Variants in FGF12 observed in about 807,000 individuals in gnomAD.
The protein encoded by FGF12 is fibroblast growth factor 12B.
Under a neutral mutation model 23.6 loss-of-function variants are expected in FGF12, and 14 were observed. The observed-to-expected ratio is 0.59, with a 90% CI of 0.39 to 0.93. The LOEUF (loss-of-function observed/expected upper bound fraction) is 0.93. Among genes scored for constraint, FGF12 ranks in the 40% least tolerant of loss-of-function variants. FGF12 has a pLI of 0.00. For missense variants in FGF12, 175 were observed against 217.8 expected, an observed-to-expected ratio of 0.80 and a Z score of 1.24; for synonymous variants, 62 against 77.3, an observed-to-expected ratio of 0.80 and a Z score of 1.04.
intron 2 of FGF12, among the ~76,000 whole-genome samples, chr3:192,601,505 T>G (rs1714113267): frequency 6.6e-6 from 1 of 152,130 alleles, no homozygotes; most frequent in Admixed American, 6.6e-5. Flanking sequence ...CCTTCTCTGA[T>G]CATATACATT....
chr3:192,578,493 C>G (rs1034770138), intron 2 of FGF12, among the ~76,000 whole-genome samples: 2 of 152,170 alleles, frequency 1.3e-5, no homozygotes, highest in African/African-American at 4.8e-5. Flanking sequence ...ATATTCAAAA[C>G]TTATTTATTA....
rs542406014 is a variant in FGF12, at chr3:192,621,431, A to G, written c.13+105750T>C. 3.9e-5 allele frequency among the ~76,000 whole-genome samples: 6 copies of G among 152,274 alleles called. No individual in the cohort carries two copies. The East Asian group carries it at 9.7e-4, about 25-fold the overall frequency. On this transcript the variant is annotated intron_variant, in intron 2 of 5. Coordinates refer to ENST00000445105, the MANE Select transcript of FGF12 (RefSeq NM_004113.6). ...AAAAGCATGGGCTTTGAAGCCCGACAAGAGCCATTTGGAATTGAAGTTCTG... is the reference window on the plus strand; with the variant it reads ...AAAAGCATGGGCTTTGAAGCCCGACGAGAGCCATTTGGAATTGAAGTTCTG...
At chr3:192,422,722 A>T (rs1721570531) in intron 2 of FGF12, among the ~76,000 whole-genome samples, 2 of 152,198 alleles carry the variant, frequency 1.3e-5, no homozygotes. Flanking sequence ...GAGGAACAAA[A>T]AAAAGTAACT....
intron 2 of FGF12, among the ~76,000 whole-genome samples, chr3:192,380,142 A>G (rs1221928451): frequency 1.3e-5 from 2 of 152,194 alleles, no homozygotes; most frequent in African/African-American, 2.4e-5. Context: ...AGTAATAATT[A>G]ATATCCACTA....
At chr3:192,704,643 C>A (rs1032106037) in intron 2 of FGF12, among the ~76,000 whole-genome samples, 1 of 152,126 alleles carries the variant, frequency 6.6e-6, no homozygotes, top group Non-Finnish European at 1.5e-5. Context: ...GCTGCATTAG[C>A]CCCTAACAAA....
intron 2 of FGF12, among the ~76,000 whole-genome samples, chr3:192,554,200 C>T (rs760038980): frequency 2.6e-5 from 4 of 152,152 alleles, no homozygotes; most frequent in Non-Finnish European, 5.9e-5. Flanking sequence ...CAGACAGAGG[C>T]CTATGCCATT....
At chr3:192,664,177 T>C (rs1296271306) in intron 2 of FGF12, among the ~76,000 whole-genome samples, 1 of 152,228 alleles carries the variant, frequency 6.6e-6, no homozygotes, top group East Asian at 1.9e-4. Context: ...GTCAACCAAA[T>C]GAATCTATCA....
intron 2 of FGF12, among the ~76,000 whole-genome samples, chr3:192,627,367 T>C (rs1715209894): frequency 6.6e-6 from 1 of 152,094 alleles, no homozygotes; most frequent in Non-Finnish European, 1.5e-5. Flanking sequence ...TTTAGTTTTA[T>C]TGCTATCATA....
At position 192,352,641 on chromosome 3, in the gene FGF12, G is replaced by A. The variant is rs137940506; in HGVS notation, c.124+7787C>T. On this transcript the variant is annotated intron_variant, in intron 3 of 5. Coordinates refer to ENST00000445105, the MANE Select transcript of FGF12 (RefSeq NM_004113.6). ...TGAAAACAAGGGGTCTCTCATCCCT[G>A]TTGATGAAAATAATGACAGCAGATG... 9.0e-4 allele frequency among the ~76,000 whole-genome samples: 137 copies of A among 152,276 alleles called. 4 individuals are homozygous for A. In the East Asian group the frequency reaches 0.02, roughly 22 times the overall value.
Position 192,373,293 on chromosome 3 carries a change from T to TG in FGF12, c.14-12756_14-12755insC, listed in dbSNP as rs200275490. Among the ~76,000 whole-genome samples, 780 of 152,018 alleles carry TG rather than the reference T, an allele frequency of 5.1e-3. 2 individuals are homozygous for TG. The highest frequency in any genetic ancestry group is 0.018 in the African/African-American group (754 of 41,444). ...AACATACAGGAAGCAAACATTTTTTTTTTTTTTCAGTGACCTAGTTTCTTC... is the reference window on the plus strand; with the variant it reads ...AACATACAGGAAGCAAACATTTTTTTGTTTTTTTCAGTGACCTAGTTTCTTC... On this transcript the variant is annotated intron_variant, in intron 2 of 5. Transcript: ENST00000445105.
chr3:192,514,941 T>C lies in FGF12; in HGVS notation c.14-154403A>G. 1.1e-6 allele frequency: 1 copy of C among 903,306 alleles called. No individual in the cohort carries two copies. 56.0% of individuals were successfully genotyped at this position (903,306 alleles called of 1,614,324 possible). A position where few individuals can be genotyped will look rare whatever the true frequency, so the allele number is the denominator to read the frequency against. On this transcript the variant is annotated intron_variant, in intron 2 of 5. Transcript: ENST00000445105. The surrounding 1 kb of genome is among the most constrained non-coding windows in gnomAD (Gnocchi z 4.9). ...CAGGGGGCGGGCCGGGACGCGGAAG[T>C]GCCGGTCCGCCGGGGGCAGCCCTCC...
At chr3:192,711,290 GGGC>G (rs1718662650) in intron 2 of FGF12, among the ~76,000 whole-genome samples, 1 of 127,242 alleles carries the variant, frequency 7.9e-6, no homozygotes, top group Non-Finnish European at 1.5e-5. Flanking sequence ...GGGAGGTGGG[GGGC>G]AGCCCCCACC....
intron 4 of FGF12, among the ~76,000 whole-genome samples, chr3:192,234,165 G>A (rs1719162355): frequency 6.6e-6 from 1 of 152,118 alleles, no homozygotes. Flanking sequence ...CATTTTAGCA[G>A]TATTGATTCT....
chr3:192,685,951 T>C (rs1356168070), intron 2 of FGF12, among the ~76,000 whole-genome samples: 1 of 152,176 alleles, frequency 6.6e-6, no homozygotes, highest in African/African-American at 2.4e-5. Context: ...TCTGTCTCCA[T>C]GACTGACACT....
At chr3:192,601,902 T>G (rs1272163687) in intron 2 of FGF12, among the ~76,000 whole-genome samples, 2 of 151,030 alleles carry the variant, frequency 1.3e-5, no homozygotes, top group South Asian at 2.1e-4. Flanking sequence ...ATATTCAGTA[T>G]AGACACAACT....
intron 4 of FGF12, among the ~76,000 whole-genome samples, chr3:192,204,436 T>C (rs1291061121): frequency 6.6e-5 from 10 of 152,188 alleles, no homozygotes; most frequent in African/African-American, 2.4e-4. Flanking sequence ...TCTACTATAT[T>C]AGAGAGTGCC....
intron 5 of FGF12, among the ~76,000 whole-genome samples, chr3:192,155,286 CGCTGGG>C (rs1560169810): frequency 6.6e-6 from 1 of 152,198 alleles, no homozygotes; most frequent in Non-Finnish European, 1.5e-5. Flanking sequence ...GCATTGCTCA[CGCTGGG>C]AGCTGTAGAC....
chr3:192,566,311 T>C (rs1712277604), intron 2 of FGF12, among the ~76,000 whole-genome samples: 1 of 152,140 alleles, frequency 6.6e-6, no homozygotes, highest in South Asian at 2.1e-4. Context: ...TAGTGCTTCA[T>C]GAAAATCATT....
intron 2 of FGF12, among the ~76,000 whole-genome samples, chr3:192,698,563 C>CA (rs757195816): frequency 7.0e-4 from 103 of 147,524 alleles, no homozygotes; most frequent in Non-Finnish European, 1.3e-3. Context: ...ATCCTGAGGA[C>CA]ACAGAAGCCA....
Sources: gnomAD v4.1 joint callset for allele counts (sites outside exome capture counted in the v4.1 genomes callset) on GRCh38, gnomAD v4.1.1 for gene constraint, Gnocchi (gnomAD v3.1) non-coding constraint, MANE v1.5 for transcripts, NCBI Gene and HGNC (gene_info 2026-07-23, HGNC 2026-07-21) for gene names.